The following SPOCK3 variants were observed in gnomAD, a reference collection of about 807,000 sequenced individuals.
SPOCK3 encodes the protein SPARC (osteonectin), cwcv and kazal like domains proteoglycan 3.
In SPOCK3, 30 loss-of-function variants were observed where a neutral mutation model predicts 56.6. The observed-to-expected ratio is 0.53, with a 90% confidence interval of 0.40 to 0.72. The LOEUF is 0.72. Among genes scored for constraint, SPOCK3 ranks in the 30% least tolerant of loss-of-function variants. The pLI is 0.00. For synonymous variants in SPOCK3, 196 were observed against 183.3 expected (o/e 1.07, Z -0.56); for missense variants, 527 against 530.0 (o/e 0.99, Z 0.06).
At chr4:166,818,799 T>C (rs1242373731) in intron 6 of SPOCK3, among the ~76,000 whole-genome samples, 1 of 152,060 alleles carries the variant, frequency 6.6e-6, no homozygotes, top group African/African-American at 2.4e-5. Context: ...CAACTACAGA[T>C]AAGACTCTTA....
intron 6 of SPOCK3, among the ~76,000 whole-genome samples, chr4:166,814,853 G>T (rs1390208378): frequency 2.6e-5 from 4 of 151,910 alleles, no homozygotes; most frequent in African/African-American, 9.7e-5. Flanking sequence ...TGTCCCTCTA[G>T]AGAACACTGA....
At chr4:166,763,379 C>T (rs752517950) in intron 7 of SPOCK3, among the ~76,000 whole-genome samples, 4 of 152,066 alleles carry the variant, frequency 2.6e-5, no homozygotes, top group Admixed American at 2.0e-4. Flanking sequence ...AGAGTTACAA[C>T]TCTTGAAATA....
chr4:166,974,389 A>G (rs1481664981), intron 4 of SPOCK3, among the ~76,000 whole-genome samples: 1 of 152,180 alleles, frequency 6.6e-6, no homozygotes, highest in Non-Finnish European at 1.5e-5. Flanking sequence ...ATAATACTTC[A>G]ATAATTTTCA....
chr4:166,992,820 T>TC (rs1206877569), intron 4 of SPOCK3, among the ~76,000 whole-genome samples: 1 of 151,328 alleles, frequency 6.6e-6, no homozygotes, highest in Non-Finnish European at 1.5e-5. Context: ...GCTGTACTTT[T>TC]TCCCCCCAAT....
intron 6 of SPOCK3, among the ~76,000 whole-genome samples, chr4:166,843,179 C>A (rs921450125): frequency 2.6e-5 from 4 of 152,148 alleles, no homozygotes; most frequent in African/African-American, 9.6e-5. Flanking sequence ...CCCTCCACAC[C>A]CCCCCGCAAA....
intron 6 of SPOCK3, among the ~76,000 whole-genome samples, chr4:166,869,641 T>A (rs1011094342): frequency 6.8e-5 from 10 of 146,816 alleles, no homozygotes; most frequent in Non-Finnish European, 1.5e-4. Flanking sequence ...TGTGTGTGTG[T>A]GTGTGTTTGA....
At chr4:167,150,849 T>C (rs1240930271) in intron 2 of SPOCK3, among the ~76,000 whole-genome samples, 1 of 152,176 alleles carries the variant, frequency 6.6e-6, no homozygotes, top group South Asian at 2.1e-4. Context: ...GGGCAATTCA[T>C]TGTATCAACA....
intron 6 of SPOCK3, among the ~76,000 whole-genome samples, chr4:166,834,124 G>A (rs1746368167): frequency 6.6e-6 from 1 of 152,062 alleles, no homozygotes; most frequent in South Asian, 2.1e-4. Context: ...TAACACTATT[G>A]CACACTTCTC....
chr4:166,802,920 C>T (rs1407255347), intron 6 of SPOCK3, among the ~76,000 whole-genome samples: 1 of 151,940 alleles, frequency 6.6e-6, no homozygotes, highest in Admixed American at 6.6e-5. Context: ...TAAAAAGTTC[C>T]GTTTAAAAAT....
At chr4:166,982,910 G>A (rs752145655) in intron 4 of SPOCK3, among the ~76,000 whole-genome samples, 60 of 152,152 alleles carry the variant, frequency 3.9e-4, no homozygotes, top group Middle Eastern at 6.8e-3. Flanking sequence ...AAGCATAAGG[G>A]GCAATATTTG....
chr4:167,168,545 T>G (rs893399448), intron 2 of SPOCK3, among the ~76,000 whole-genome samples: 2 of 152,036 alleles, frequency 1.3e-5, no homozygotes, highest in African/African-American at 4.8e-5. Context: ...ACTGGCAGCA[T>G]TTTGCCCCTA....
chr4:166,851,015 G>A (rs1729984791), intron 6 of SPOCK3, among the ~76,000 whole-genome samples: 2 of 152,250 alleles, frequency 1.3e-5, no homozygotes, highest in Admixed American at 6.5e-5. Context: ...TCTGGGGGCA[G>A]GGCACAGACA....
rs528592723 is a variant in SPOCK3, at chr4:167,220,544, A to AT, written c.189+13440dup. ...AGGCATGTGCCACCACACACAGCTA[A>AT]TTTTTTTTTTTTTTTCATTTTTGCT... On this transcript the variant is annotated intron_variant, in intron 2 of 10. Transcript: ENST00000357545. 9.4e-3 allele frequency among the ~76,000 whole-genome samples: 1,316 copies of AT among 140,514 alleles called. 19 individuals carry two copies. Among genetic ancestry groups the AT allele is most frequent in the African/African-American group, 0.025 (975 of 38,318 alleles). 92.2% of individuals were successfully genotyped at this position (140,514 alleles called of 152,430 possible).
chr4:166,774,391 G>A (rs1225089110), intron 7 of SPOCK3, among the ~76,000 whole-genome samples: 1 of 152,068 alleles, frequency 6.6e-6, no homozygotes, highest in Non-Finnish European at 1.5e-5. Context: ...GGTCTTTCAG[G>A]GGTCTGTGGA....
At chr4:167,116,854 T>A (rs1233918991) in intron 2 of SPOCK3, among the ~76,000 whole-genome samples, 1 of 142,392 alleles carries the variant, frequency 7.0e-6, no homozygotes, top group Non-Finnish European at 1.5e-5. Context: ...TTTATATATA[T>A]ACTTTTGTAT....
At chr4:167,057,974 C>T (rs1197663614) in intron 3 of SPOCK3, among the ~76,000 whole-genome samples, 3 of 152,264 alleles carry the variant, frequency 2.0e-5, no homozygotes, top group Admixed American at 6.5e-5. Context: ...CCCAAATCAA[C>T]AGAATATACA....
intron 2 of SPOCK3, among the ~76,000 whole-genome samples, chr4:167,213,518 T>C (rs1027842955): frequency 6.6e-6 from 1 of 152,184 alleles, no homozygotes; most frequent in East Asian, 1.9e-4. Context: ...AAATTTTCTT[T>C]TATTTTGGTG....
chr4:167,064,990 C>T (rs1580179355), intron 2 of SPOCK3, among the ~76,000 whole-genome samples: 1 of 132,664 alleles, frequency 7.5e-6, no homozygotes, highest in Admixed American at 8.4e-5. Flanking sequence ...TTCTTACAAA[C>T]AGCCATAAAC....
At chr4:167,060,354 C>T (rs1755456561) in intron 3 of SPOCK3, among the ~76,000 whole-genome samples, 1 of 150,184 alleles carries the variant, frequency 6.7e-6, no homozygotes, top group Non-Finnish European at 1.5e-5. Flanking sequence ...GAGTCTGTCA[C>T]CAAGAAAAGC....
Sources: gnomAD v4.1 joint callset for allele counts (sites outside exome capture counted in the v4.1 genomes callset) on GRCh38, gnomAD v4.1.1 for gene constraint, MANE v1.5 for transcripts, NCBI Gene and HGNC (gene_info 2026-07-23, HGNC 2026-07-21) for gene names.